CPQ: variants seen among roughly 807,000 people sequenced by gnomAD.
CPQ encodes the protein carboxypeptidase Q.
A neutral mutation model predicts 45.7 loss-of-function variants in CPQ; 37 were observed. That is an observed-to-expected ratio of 0.81 (90% CI 0.62 to 1.07). CPQ has a LOEUF of 1.07. Ranked by LOEUF, CPQ falls within the 50% of genes least tolerant of loss-of-function variation. CPQ has a pLI of 0.00. For synonymous variants in CPQ, 186 were observed against 205.8 expected, an observed-to-expected ratio of 0.90 and a Z score of 0.82; for missense variants, 537 against 572.9, an observed-to-expected ratio of 0.94 and a Z score of 0.64.
At chr8:96,801,334 T>C in intron 2 of CPQ, among the ~76,000 whole-genome samples, 1 of 152,130 alleles carries the variant, frequency 6.6e-6, no homozygotes. Flanking sequence ...TTAAGATAGA[T>C]ATATGGATAA....
intron 1 of CPQ, among the ~76,000 whole-genome samples, chr8:96,675,030 C>T (rs936855408): frequency 1.3e-5 from 2 of 151,996 alleles, no homozygotes; most frequent in Non-Finnish European, 2.9e-5. Flanking sequence ...GCAGAATAGA[C>T]ACTAAGTGCA....
At chr8:96,885,659 A>G (rs1386509046) in intron 4 of CPQ, among the ~76,000 whole-genome samples, 1 of 152,182 alleles carries the variant, frequency 6.6e-6, no homozygotes, top group East Asian at 1.9e-4. Flanking sequence ...CCTGTTGCAT[A>G]ATTCATCCAT....
At chr8:96,890,425 T>C (rs1812357615) in intron 4 of CPQ, among the ~76,000 whole-genome samples, 1 of 152,164 alleles carries the variant, frequency 6.6e-6, no homozygotes, top group Non-Finnish European at 1.5e-5. Flanking sequence ...TTTTACTTGG[T>C]GTAGTGACCC....
rs564646329 is a variant in CPQ at position 96,708,099 on chromosome 8, T to G, written c.-35+62697T>G. Among the ~76,000 whole-genome samples, 4 of 152,196 alleles carry G rather than the reference T, an allele frequency of 2.6e-5. No individual in the cohort carries two copies. In the East Asian group the frequency reaches 7.7e-4, roughly 29 times the overall value. On this transcript the variant is annotated intron_variant, in intron 1 of 7. Coordinates refer to ENST00000220763, the MANE Select transcript of CPQ (RefSeq NM_016134.4). ...CCATATTCCTTAGTTCATGGCCCCC[T>G]TCCTCCATCTTCCAAGCCATCAATG...
intron 4 of CPQ, among the ~76,000 whole-genome samples, chr8:96,946,268 A>G (rs1044337547): frequency 1.3e-5 from 2 of 152,058 alleles, no homozygotes; most frequent in African/African-American, 4.8e-5. Flanking sequence ...CATTGCTTTC[A>G]TTTCCAAAAC....
chr8:96,824,650 GA>G (rs1455544278), intron 2 of CPQ, among the ~76,000 whole-genome samples: 6 of 151,982 alleles, frequency 3.9e-5, no homozygotes, highest in Non-Finnish European at 8.8e-5. Context: ...CCTTGGGAAT[GA>G]ATCAAGCTAC....
chr8:96,827,097 G>GC (rs1175874388), intron 2 of CPQ, among the ~76,000 whole-genome samples: 1 of 151,932 alleles, frequency 6.6e-6, no homozygotes, highest in Non-Finnish European at 1.5e-5. Flanking sequence ...TATTCCATTG[G>GC]CCAGAGAAAG....
intron 7 of CPQ, among the ~76,000 whole-genome samples, chr8:97,070,887 G>A (rs1440221332): frequency 6.6e-6 from 1 of 152,154 alleles, no homozygotes; most frequent in Non-Finnish European, 1.5e-5. Context: ...ATTTCATTCT[G>A]AGTATGTCAC....
At chr8:96,790,146 C>A (rs146046984) in intron 2 of CPQ, among the ~76,000 whole-genome samples, 1 of 152,252 alleles carries the variant, frequency 6.6e-6, no homozygotes, top group Non-Finnish European at 1.5e-5. Context: ...CCGTTCTCTG[C>A]ACTAAATGAA....
Position 96,687,205 on chromosome 8 carries a change from TTTTTTC to T in CPQ, c.-35+41821_-35+41826del, listed in dbSNP as rs566587041. Among the ~76,000 whole-genome samples, 556 of 151,950 alleles carry T rather than the reference TTTTTTC, an allele frequency of 3.7e-3. 1 individual carries two copies. The highest frequency in any genetic ancestry group is 6.8e-3 in the Middle Eastern group (2 of 294). On this transcript the variant is annotated intron_variant, in intron 1 of 7. Coordinates refer to ENST00000220763, the MANE Select transcript of CPQ (RefSeq NM_016134.4). ...CTTCTCTTCTCTTCTCTTCTTTTCT[TTTTTTC>T]TTTTTCTTTTTCTTTTTTTGAGACA...
At chr8:96,929,961 A>G (rs1812948790) in intron 4 of CPQ, among the ~76,000 whole-genome samples, 1 of 152,162 alleles carries the variant, frequency 6.6e-6, no homozygotes, top group Admixed American at 6.6e-5. Flanking sequence ...GAGGTATAAT[A>G]AGAAAGAACC....
chr8:96,772,573 G>A (rs1192853231), intron 1 of CPQ, among the ~76,000 whole-genome samples: 3 of 152,086 alleles, frequency 2.0e-5, no homozygotes, highest in Non-Finnish European at 4.4e-5. Context: ...TCAAGGAGAA[G>A]CCTTAGGAAT....
intron 1 of CPQ, among the ~76,000 whole-genome samples, chr8:96,726,771 G>A (rs954910461): frequency 2.6e-5 from 4 of 152,102 alleles, no homozygotes; most frequent in African/African-American, 9.7e-5. Flanking sequence ...ATGGGAGTGG[G>A]ACTGGTGGCT....
chr8:97,008,132 CTT>C (rs940764869), intron 5 of CPQ, among the ~76,000 whole-genome samples: 8 of 88,060 alleles, frequency 9.1e-5, no homozygotes, highest in African/African-American at 4.0e-4. Flanking sequence ...GACCTGACCT[CTT>C]TATTTAAAAA....
At position 97,028,354 on chromosome 8, in the gene CPQ, G is replaced by C. The variant is rs59285962; in HGVS notation, c.962-1049G>C. On this transcript the variant is annotated intron_variant, in intron 5 of 7. Coordinates refer to ENST00000220763, the MANE Select transcript of CPQ (RefSeq NM_016134.4). ...AGTTAGCCAGCTGGCTCCTTCAAAA[G>C]CCACACACCTGGGTGGCAGCACATA... Among the ~76,000 whole-genome samples, 1,414 of 152,310 alleles carry C rather than the reference G, an allele frequency of 9.3e-3. 23 individuals carry two copies. The highest frequency in any genetic ancestry group is 0.032 in the African/African-American group (1,323 of 41,572).
intron 5 of CPQ, among the ~76,000 whole-genome samples, chr8:96,975,884 T>C (rs1813770313): frequency 6.6e-6 from 1 of 151,958 alleles, no homozygotes; most frequent in Non-Finnish European, 1.5e-5. Flanking sequence ...GATAACATTA[T>C]ACTGAATAGG....
intron 7 of CPQ, among the ~76,000 whole-genome samples, chr8:97,140,958 A>G (rs1377971647): frequency 6.6e-6 from 1 of 152,100 alleles, no homozygotes; most frequent in Non-Finnish European, 1.5e-5. Flanking sequence ...AAGAGGATGT[A>G]CTACTAATGA....
At chr8:97,004,666 C>T (rs559763679) in intron 5 of CPQ, among the ~76,000 whole-genome samples, 85 of 152,060 alleles carry the variant, frequency 5.6e-4, no homozygotes, top group Non-Finnish European at 9.7e-4. Flanking sequence ...AATTGAAAAA[C>T]AGTTAAAGTT....
chr8:97,036,789 A>G (rs979627339), intron 6 of CPQ, among the ~76,000 whole-genome samples: 3 of 152,262 alleles, frequency 2.0e-5, no homozygotes, highest in African/African-American at 7.2e-5. Context: ...AGAAAGCCTC[A>G]TTACACAAGG....
Sources: gnomAD v4.1 joint callset for allele counts (sites outside exome capture counted in the v4.1 genomes callset) on GRCh38, gnomAD v4.1.1 for gene constraint, MANE v1.5 for transcripts, NCBI Gene and HGNC (gene_info 2026-07-23, HGNC 2026-07-21) for gene names.